The following LINGO2 variants were observed in gnomAD, a reference collection of about 807,000 sequenced individuals.
The protein encoded by LINGO2 is leucine-rich repeat and immunoglobulin-like domain-containing nogo receptor-interacting protein 2.
A neutral mutation model predicts 30.6 loss-of-function variants in LINGO2; 14 were observed. The observed-to-expected ratio is 0.46, with a 90% CI of 0.30 to 0.72. The LOEUF is 0.72. LINGO2 is among the 30% of genes least tolerant of loss of function. The probability of loss-of-function intolerance (pLI) is 0.07; values close to 1 mark genes in which losing one functional copy is unlikely to be tolerated. For synonymous variants in LINGO2, 317 were observed against 288.5 expected, an observed-to-expected ratio of 1.10 and a Z score of -1.00; for missense variants, 729 against 751.7, an observed-to-expected ratio of 0.97 and a Z score of 0.35.
At chr9:29,131,452 T>G in the LINGO2 span, among the ~76,000 whole-genome samples, 9 of 152,176 alleles carry the variant, frequency 5.9e-5, no homozygotes, top group East Asian at 1.4e-3. Flanking sequence ...TTATCTCCAT[T>G]ATCATCCAAA....
intron 5 of LINGO2, among the ~76,000 whole-genome samples, chr9:27,957,274 G>A (rs530605026): frequency 6.6e-6 from 1 of 152,048 alleles, no homozygotes; most frequent in Admixed American, 6.6e-5. Context: ...CAGTACGGCT[G>A]TCTTGGTTAC....
the LINGO2 span, among the ~76,000 whole-genome samples, chr9:29,210,213 A>C: frequency 6.6e-6 from 1 of 152,162 alleles, no homozygotes; most frequent in South Asian, 2.1e-4. Context: ...TTAGAGAGGA[A>C]AGCATCTTTA....
chr9:28,988,988 T>G, the LINGO2 span, among the ~76,000 whole-genome samples: 5 of 152,202 alleles, frequency 3.3e-5, no homozygotes, highest in African/African-American at 1.2e-4. Flanking sequence ...CTTCCTATTC[T>G]GTGTTCTTGC....
At chr9:28,472,631 T>C (rs1286260682) in intron 2 of LINGO2, among the ~76,000 whole-genome samples, 2 of 152,166 alleles carry the variant, frequency 1.3e-5, no homozygotes, top group Non-Finnish European at 2.9e-5. Context: ...AAGTTTTTTT[T>C]CCCTTGCAAC....
the LINGO2 span, among the ~76,000 whole-genome samples, chr9:29,083,707 A>G: frequency 6.6e-6 from 1 of 152,216 alleles, no homozygotes; most frequent in African/African-American, 2.4e-5. Context: ...ACTAAAAAGT[A>G]AAAAATGCAT....
At chr9:27,974,650 C>T (rs1461777978) in intron 5 of LINGO2, among the ~76,000 whole-genome samples, 1 of 151,992 alleles carries the variant, frequency 6.6e-6, no homozygotes, top group Non-Finnish European at 1.5e-5. Context: ...GTCAGTAATC[C>T]TTCTGATTAC....
intron 1 of LINGO2, among the ~76,000 whole-genome samples, chr9:28,656,374 A>C (rs1394134996): frequency 6.6e-6 from 1 of 152,110 alleles, no homozygotes; most frequent in Non-Finnish European, 1.5e-5. Flanking sequence ...ACAATAGAAA[A>C]ATCAGTAGTA....
chr9:28,740,355 T>C, the LINGO2 span, among the ~76,000 whole-genome samples: 6,241 of 152,012 alleles, frequency 0.041, 250 homozygotes, highest in East Asian at 0.16. Context: ...TATTGAAATA[T>C]CCATGTATAT....
At chr9:28,354,857 G>C (rs571393072) in intron 3 of LINGO2, among the ~76,000 whole-genome samples, 4 of 152,172 alleles carry the variant, frequency 2.6e-5, no homozygotes, top group Non-Finnish European at 4.4e-5. Context: ...CAGCAGCTAA[G>C]AGCAGCCAAA....
At chr9:28,870,893 T>A in the LINGO2 span, among the ~76,000 whole-genome samples, 1 of 152,010 alleles carries the variant, frequency 6.6e-6, no homozygotes, top group African/African-American at 2.4e-5. Flanking sequence ...AAAACATGTA[T>A]CAGCCAAAGG....
chr9:28,951,926 G>C, the LINGO2 span, among the ~76,000 whole-genome samples: 1 of 152,020 alleles, frequency 6.6e-6, no homozygotes, highest in Non-Finnish European at 1.5e-5. Flanking sequence ...TATTTACATG[G>C]CCAAACACAT....
the LINGO2 span, among the ~76,000 whole-genome samples, chr9:28,675,842 G>C: frequency 6.8e-6 from 1 of 147,766 alleles, no homozygotes; most frequent in Non-Finnish European, 1.5e-5. Context: ...CTGCACTCCA[G>C]CCTGGGTAAC....
chr9:28,120,891 T>A (rs10738790), intron 4 of LINGO2, among the ~76,000 whole-genome samples: 63,799 of 151,736 alleles, frequency 0.42, 14,979 homozygotes, highest in East Asian at 0.65. Context: ...TTAAGTGAAA[T>A]AGGAAAAAAA....
the LINGO2 span, among the ~76,000 whole-genome samples, chr9:28,769,520 T>A: frequency 0.014 from 25 of 1,846 alleles, no homozygotes; most frequent in South Asian, 0.036. Flanking sequence ...ATATATATAT[T>A]TTTTTTTTTT....
At chr9:28,290,129 G>C (rs546188550) in intron 4 of LINGO2, among the ~76,000 whole-genome samples, 8 of 152,258 alleles carry the variant, frequency 5.3e-5, no homozygotes, top group African/African-American at 1.9e-4. Flanking sequence ...AAAGCTGAGA[G>C]AAGTTAAGTA....
At chr9:28,943,594 G>A in the LINGO2 span, among the ~76,000 whole-genome samples, 1 of 152,140 alleles carries the variant, frequency 6.6e-6, no homozygotes, top group Admixed American at 6.5e-5. Flanking sequence ...TCTGAAGTTC[G>A]TCTCAGGGTT....
At chr9:28,755,048 G>T in the LINGO2 span, among the ~76,000 whole-genome samples, 45 of 152,070 alleles carry the variant, frequency 3.0e-4, no homozygotes, top group African/African-American at 1.1e-3. Context: ...AATTAATTCT[G>T]ATTTTAAGAA....
At chr9:28,118,778 T>C (rs1053058597) in intron 4 of LINGO2, among the ~76,000 whole-genome samples, 1 of 152,206 alleles carries the variant, frequency 6.6e-6, no homozygotes, top group African/African-American at 2.4e-5. Flanking sequence ...ATCTTACTAG[T>C]ATATGAAGTC....
At chr9:28,755,758 A>G in the LINGO2 span, among the ~76,000 whole-genome samples, 1 of 152,234 alleles carries the variant, frequency 6.6e-6, no homozygotes. Context: ...GGAGAAGGAC[A>G]TCATCCTAAT....
Sources: allele counts gnomAD v4.1 joint callset (sites outside exome capture counted in the v4.1 genomes callset), GRCh38; gene constraint gnomAD v4.1.1; transcripts MANE v1.5; gene names NCBI Gene and HGNC (gene_info 2026-07-23, HGNC 2026-07-21).